Variants in P3H2 observed in about 807,000 individuals in gnomAD.
P3H2 encodes leprecan-like 1.
P3H2 carries 80 observed loss-of-function variants against 87.0 expected under a neutral mutation model. The ratio of observed to expected loss-of-function variants is 0.92; its 90% CI spans 0.77 to 1.11. The LOEUF (loss-of-function observed/expected upper bound fraction) is 1.11, where lower values mean the gene tolerates loss of function less well. Among genes scored for constraint, P3H2 ranks in the 50% least tolerant of loss-of-function variants. The pLI, the probability that P3H2 is intolerant of heterozygous loss-of-function variation, is 0.00. For missense variants in P3H2, 1,001 were observed against 923.9 expected, an observed-to-expected ratio of 1.08 and a Z score of -1.08; for synonymous variants, 367 against 359.3, an observed-to-expected ratio of 1.02 and a Z score of -0.24.
chr3:189,969,352 G>T, intron 13 of P3H2: 1 of 839,678 alleles, frequency 1.2e-6, no homozygotes, highest in Non-Finnish European at 2.1e-6. Context: ...AGGTCCCTCA[G>T]TTGTGACCAT....
At chr3:189,989,189 T>C (rs1391429116) in intron 3 of P3H2, 151 bp from the exon 4 acceptor site, 1 of 942,468 alleles carries the variant, frequency 1.1e-6, no homozygotes, top group Non-Finnish European at 1.6e-6. Context: ...CAAAACCTTT[T>C]TACAAAGAAA....
intron 1 of P3H2, among the ~76,000 whole-genome samples, chr3:190,069,528 G>GTTTA (rs1726626282): frequency 6.6e-6 from 1 of 152,086 alleles, no homozygotes; most frequent in African/African-American, 2.4e-5. Context: ...TTTACAGCAT[G>GTTTA]TTTACCTTTT....
chr3:190,112,570 T>C (rs1269430051), intron 1 of P3H2, among the ~76,000 whole-genome samples: 2 of 149,930 alleles, frequency 1.3e-5, no homozygotes, highest in Admixed American at 1.3e-4. Flanking sequence ...TCTTTTCAGA[T>C]GTACTTTCAT....
At chr3:189,989,673 T>A (rs968699448) in intron 3 of P3H2, among the ~76,000 whole-genome samples, 1 of 152,226 alleles carries the variant, frequency 6.6e-6, no homozygotes, top group African/African-American at 2.4e-5. Flanking sequence ...ATTCTAATAC[T>A]AAGTACATTG....
At chr3:190,038,822 G>A (rs925558846) in intron 1 of P3H2, among the ~76,000 whole-genome samples, 3 of 152,194 alleles carry the variant, frequency 2.0e-5, no homozygotes, top group Non-Finnish European at 4.4e-5. Context: ...ACAAGGCAGA[G>A]GTTAAAAGTT....
rs1712492530 is a variant in P3H2 at position 190,120,281 on chromosome 3, A to G, written c.451T>C (p.Tyr151His). Residue 151 changes from tyrosine to histidine, a missense_variant, in exon 1 of 15, where the codon TAC becomes CAC. Coordinates refer to ENST00000319332, the MANE Select transcript of P3H2 (RefSeq NM_018192.4). ...ATGTAGGCCCGCTGCAGGTAGTTGTAGGGCACTCTGCGCTGGAAGTCGCTG... is the reference window on the plus strand; with the variant it reads ...ATGTAGGCCCGCTGCAGGTAGTTGTGGGGCACTCTGCGCTGGAAGTCGCTG... ...VRSDFQRRVPYNYLQRAYIKL... is the reference protein window; with the variant it reads ...VRSDFQRRVPHNYLQRAYIKL... 3.7e-6 allele frequency: 6 copies of G among 1,611,004 alleles called. No individual in the cohort carries two copies. Among genetic ancestry groups the G allele is most frequent in the Non-Finnish European group, 5.1e-6 (6 of 1,179,384 alleles).
chr3:189,988,395 G>A (rs62278338), intron 4 of P3H2, among the ~76,000 whole-genome samples: 12 of 91,950 alleles, frequency 1.3e-4, no homozygotes, highest in South Asian at 3.6e-4. Flanking sequence ...GTATATATAT[G>A]TGTGTGTGTG....
chr3:190,069,202 C>A (rs1726616248), intron 1 of P3H2, among the ~76,000 whole-genome samples: 1 of 152,046 alleles, frequency 6.6e-6, no homozygotes, highest in African/African-American at 2.4e-5. Flanking sequence ...TCTGAATAAA[C>A]CATACCAAGA....
intron 1 of P3H2, among the ~76,000 whole-genome samples, chr3:189,997,434 C>A (rs896765213): frequency 3.3e-5 from 5 of 152,148 alleles, no homozygotes; most frequent in African/African-American, 1.2e-4. Flanking sequence ...TGTTGCTGAA[C>A]AATATAAAAT....
At chr3:190,100,758 T>C (rs1406067659) in intron 1 of P3H2, among the ~76,000 whole-genome samples, 1 of 152,180 alleles carries the variant, frequency 6.6e-6, no homozygotes, top group Non-Finnish European at 1.5e-5. Flanking sequence ...TACAAAACTA[T>C]GATCAAGTGC....
In P3H2 at chr3:190,114,707, G is replaced by A. The variant is rs371926967; in HGVS notation, c.480+5545C>T. Among the ~76,000 whole-genome samples, 18 of 152,244 alleles carry A rather than the reference G, an allele frequency of 1.2e-4. 1 individual carries two copies. In the East Asian group the frequency reaches 3.1e-3, roughly 26 times the overall value. ...ATAAAGATGGTGACCTGTAAGTTTTGATGGTTTAAGCACAAAAAAGTGTTC... is the reference window on the plus strand; with the variant it reads ...ATAAAGATGGTGACCTGTAAGTTTTAATGGTTTAAGCACAAAAAAGTGTTC... On this transcript the variant is annotated intron_variant, in intron 1 of 14. Transcript: ENST00000319332.
intron 1 of P3H2, among the ~76,000 whole-genome samples, chr3:190,021,677 C>T (rs1391553186): frequency 7.4e-6 from 1 of 134,656 alleles, no homozygotes; most frequent in Non-Finnish European, 1.7e-5. Context: ...CATCTGCCTA[C>T]CCACTCATCC....
At position 189,972,086 on chromosome 3, in the gene P3H2, C is replaced by T. The variant is rs188406750; in HGVS notation, c.1700-79G>A. On this transcript the variant is annotated intron_variant, in intron 11 of 14. Coordinates refer to ENST00000319332, the MANE Select transcript of P3H2 (RefSeq NM_018192.4). The stretch of plus-strand genomic sequence containing the variant: ...CAAAGTAACTGACAATCTCTCTTCT[C>T]CCAGTCCTGATGATCTTTGCAAATG... The T allele has an allele frequency of 7.6e-5, 66 of 871,954 alleles. No homozygotes were observed. In the East Asian group the frequency reaches 1.6e-3, roughly 21 times the overall value. 54.0% of individuals were successfully genotyped at this position (871,954 alleles called of 1,614,324 possible). A position where few individuals can be genotyped will look rare whatever the true frequency, so the allele number is the denominator to read the frequency against.
intron 1 of P3H2, among the ~76,000 whole-genome samples, chr3:190,058,434 T>G (rs1022737802): frequency 7.2e-5 from 11 of 152,150 alleles, no homozygotes; most frequent in Admixed American, 2.0e-4. Context: ...CCATAGGAAC[T>G]ACAATGGGTT....
chr3:190,048,643 C>T (rs534222475), intron 1 of P3H2, among the ~76,000 whole-genome samples: 21 of 152,134 alleles, frequency 1.4e-4, no homozygotes, highest in African/African-American at 5.1e-4. Flanking sequence ...AAAATGTAAG[C>T]TTGACATCAC....
intron 1 of P3H2, among the ~76,000 whole-genome samples, chr3:190,034,997 T>C (rs1382997677): frequency 6.6e-6 from 1 of 151,698 alleles, no homozygotes; most frequent in Non-Finnish European, 1.5e-5. Context: ...TACAGGCATG[T>C]ACCACCACAC....
chr3:190,067,966 C>T (rs2108970945), intron 1 of P3H2, among the ~76,000 whole-genome samples: 1 of 152,030 alleles, frequency 6.6e-6, no homozygotes, highest in Non-Finnish European at 1.5e-5. Flanking sequence ...AAAAATTAGG[C>T]TTCATCCACA....
At chr3:189,972,772 G>C in intron 11 of P3H2, 102 bp downstream of exon 11, 3 of 1,257,054 alleles carry the variant, frequency 2.4e-6, no homozygotes, top group Non-Finnish European at 2.3e-6. Context: ...TCTAGAATTC[G>C]TCTAAAATAT....
chr3:189,963,143 C>T (rs1026328241), intron 14 of P3H2, among the ~76,000 whole-genome samples: 1 of 152,162 alleles, frequency 6.6e-6, no homozygotes, highest in African/African-American at 2.4e-5. Context: ...ACCCATTGGT[C>T]TTAATTCATA....
Sources: gnomAD v4.1 joint callset for allele counts (sites outside exome capture counted in the v4.1 genomes callset) on GRCh38, gnomAD v4.1.1 for gene constraint, MANE v1.5 for transcripts, NCBI Gene and HGNC (gene_info 2026-07-23, HGNC 2026-07-21) for gene names.